Variants in MMP26 observed in about 807,000 individuals in gnomAD.
MMP26 encodes the protein matrix metalloproteinase-26.
Under a neutral mutation model 31.0 loss-of-function variants are expected in MMP26, and 33 were observed. The observed-to-expected ratio is 1.06, with a 90% CI of 0.81 to 1.42. The LOEUF is 1.42. Among genes scored for constraint, MMP26 ranks in the 40% most tolerant of loss-of-function variants. MMP26 has a pLI of 0.00. For missense variants in MMP26, 347 were observed against 316.1 expected (o/e 1.10, Z -0.74); for synonymous variants, 122 against 114.9 (o/e 1.06, Z -0.40).
chr11:4,989,586 G>T, intron 3 of MMP26, 62 bp from the exon 4 acceptor site: 2 of 1,363,532 alleles, frequency 1.5e-6, no homozygotes, highest in South Asian at 1.3e-5. Context: ...TATGCCCAGG[G>T]TAACTGATAT....
chr11:4,849,272 G>A lies in MMP26; in HGVS notation c.-145+81931G>A, dbSNP rs1038385056. 7 of 1,523,448 alleles carry A rather than the reference G, an allele frequency of 4.6e-6. No individual in the cohort carries two copies. In the Admixed American group the frequency reaches 6.2e-5, roughly 13 times the overall value. 94.4% of individuals were successfully genotyped at this position (1,523,448 alleles called of 1,614,324 possible). ...TGATTAGAAAGGTTTACTTAATCGC[G>A]TGCCAAATTTGCATGAAACGTTCCA... On this transcript the variant is annotated intron_variant, in intron 2 of 7. Coordinates refer to ENST00000380390, the MANE Select transcript of MMP26 (RefSeq NM_021801.5).
intron 2 of MMP26, among the ~76,000 whole-genome samples, chr11:4,987,609 G>A (rs191483952): frequency 2.1e-3 from 323 of 151,782 alleles, no homozygotes; most frequent in African/African-American, 6.8e-3. Context: ...TAGTAGAGAC[G>A]GGGTTTCACC....
chr11:4,761,845 T>C (rs576575071), intron 1 of MMP26, among the ~76,000 whole-genome samples: 1 of 152,324 alleles, frequency 6.6e-6, no homozygotes, highest in South Asian at 2.1e-4. Flanking sequence ...TTTAAATATC[T>C]GTTAGAATAA....
At chr11:4,723,142 A>G in intron 1 of MMP26, 1 of 1,598,950 alleles carries the variant, frequency 6.3e-7, no homozygotes, top group Non-Finnish European at 8.6e-7. Context: ...TGGAGTTGGC[A>G]TCCTTAATGG....
chr11:4,746,332 A>C (rs1428475413), intron 1 of MMP26, among the ~76,000 whole-genome samples: 2 of 152,198 alleles, frequency 1.3e-5, no homozygotes, highest in Non-Finnish European at 1.5e-5. Flanking sequence ...ATTATCCAAT[A>C]GTTGTGTTCT....
chr11:4,807,129 TA>T (rs1849281245), intron 2 of MMP26, among the ~76,000 whole-genome samples: 1 of 152,202 alleles, frequency 6.6e-6, no homozygotes, highest in African/African-American at 2.4e-5. Context: ...TTTTTTTTAA[TA>T]AACTTACGTG....
Position 4,822,113 on chromosome 11 carries a change from C to G in MMP26, c.-145+54772C>G, listed in dbSNP as rs757538120. On this transcript the variant is annotated intron_variant, in intron 2 of 7. Coordinates refer to ENST00000380390, the MANE Select transcript of MMP26 (RefSeq NM_021801.5). ...ATCATTCGATCTGTCCTCAGCATTG[C>G]TTCCTCAGAAGAGAGGCGGAAAGCC... The G allele has an allele frequency of 4.3e-6, 7 of 1,612,884 alleles. No homozygotes were observed. In the African/African-American group the frequency reaches 9.4e-5, roughly 22 times the overall value.
intron 2 of MMP26, among the ~76,000 whole-genome samples, chr11:4,807,707 T>C (rs964869772): frequency 6.6e-6 from 1 of 152,202 alleles, no homozygotes; most frequent in Non-Finnish European, 1.5e-5. Context: ...ACGTGGCACA[T>C]GTATACATAT....
chr11:4,866,853 A>C (rs1850241701), intron 2 of MMP26, among the ~76,000 whole-genome samples: 1 of 152,148 alleles, frequency 6.6e-6, no homozygotes, highest in Admixed American at 6.6e-5. Flanking sequence ...CTATTTAATA[A>C]ATGGTGCTGG....
At chr11:4,804,967 CA>C (rs372949891) in intron 2 of MMP26, among the ~76,000 whole-genome samples, 5,314 of 111,736 alleles carry the variant, frequency 0.048, 101 homozygotes, top group South Asian at 0.074. Flanking sequence ...GAAACCGCCT[CA>C]AAAAAAAAAA....
intron 2 of MMP26, among the ~76,000 whole-genome samples, chr11:4,931,207 CAGGGTTCTGGA>C (rs1851342386): frequency 1.3e-5 from 2 of 152,042 alleles, no homozygotes; most frequent in African/African-American, 4.8e-5. Context: ...CAAAGTGAGA[CAGGGTTCTGGA>C]AGGGTTATCC....
At chr11:4,909,365 A>G (rs1020251989) in intron 2 of MMP26, 4 of 152,200 alleles carry the variant, frequency 2.6e-5, no homozygotes, top group Non-Finnish European at 4.4e-5. Flanking sequence ...CTAAGGTAAG[A>G]GTGTTGTAAA....
chr11:4,883,432 C>T (rs371422078), intron 2 of MMP26, among the ~76,000 whole-genome samples: 2 of 152,122 alleles, frequency 1.3e-5, no homozygotes, highest in Non-Finnish European at 2.9e-5. Context: ...TACAAATATA[C>T]TCCCTATACC....
intron 2 of MMP26, among the ~76,000 whole-genome samples, chr11:4,963,147 G>A (rs1846544188): frequency 6.6e-6 from 1 of 152,050 alleles, no homozygotes; most frequent in South Asian, 2.1e-4. Flanking sequence ...GCTACGAAGA[G>A]AATAAAATAC....
rs116464104 is a variant in MMP26, at chr11:4,755,570, T to C, written c.-216-11700T>C. 2.1e-3 allele frequency among the ~76,000 whole-genome samples: 325 copies of C among 152,160 alleles called. 1 individual carries two copies. The highest frequency in any genetic ancestry group is 7.6e-3 in the African/African-American group (315 of 41,570). On this transcript the variant is annotated intron_variant, in intron 1 of 7. Coordinates refer to ENST00000380390, the MANE Select transcript of MMP26 (RefSeq NM_021801.5). ...TAGGGGTGGCACTGGTAGAGATACATTGAATTTTGAAATTAGTATTAGCCC... is the reference window on the plus strand; with the variant it reads ...TAGGGGTGGCACTGGTAGAGATACACTGAATTTTGAAATTAGTATTAGCCC...
Position 4,986,953 on chromosome 11 carries a change from C to T in MMP26, c.-144-1115C>T, listed in dbSNP as rs974562056. ...TCTCCCTCTCTCTCTCTCTCTCTCT[C>T]TCTCTCCCTCTCTCTCTCTCTCTTT... is the stretch of plus-strand genomic sequence containing the variant. On this transcript the variant is annotated intron_variant, in intron 2 of 7. Transcript: ENST00000380390. 8.0e-3 allele frequency among the ~76,000 whole-genome samples: 1,148 copies of T among 143,408 alleles called. 22 individuals carry two copies. The highest frequency in any genetic ancestry group is 0.029 in the African/African-American group (1,076 of 37,652). The allele number at this position is 143,408 out of a possible 152,430, so 94.1% of individuals were successfully genotyped here.
chr11:4,849,892 C>T (rs1849950080), intron 2 of MMP26, among the ~76,000 whole-genome samples: 1 of 151,882 alleles, frequency 6.6e-6, no homozygotes, highest in African/African-American at 2.4e-5. Flanking sequence ...TAAAGGGGTG[C>T]ATGTGGTATT....
intron 1 of MMP26, among the ~76,000 whole-genome samples, chr11:4,746,918 A>T (rs1017686046): frequency 1.3e-5 from 2 of 151,690 alleles, no homozygotes; most frequent in African/African-American, 4.9e-5. Flanking sequence ...CTCAGTTCTT[A>T]AGGCCACAAA....
chr11:4,861,188 A>T (rs1270615033), intron 2 of MMP26, among the ~76,000 whole-genome samples: 1 of 150,228 alleles, frequency 6.7e-6, no homozygotes, highest in Non-Finnish European at 1.5e-5. Flanking sequence ...ATTTAGAAGT[A>T]TATACATATA....
Sources: gnomAD v4.1 joint callset for allele counts (sites outside exome capture counted in the v4.1 genomes callset) on GRCh38, gnomAD v4.1.1 for gene constraint, MANE v1.5 for transcripts, NCBI Gene and HGNC (gene_info 2026-07-23, HGNC 2026-07-21) for gene names.